PDHX: variants seen among roughly 807,000 people sequenced by gnomAD.
PDHX encodes pyruvate dehydrogenase complex component X, also known as pyruvate dehydrogenase protein X component, mitochondrial.
PDHX carries 33 observed loss-of-function variants against 55.3 expected under a neutral mutation model. The ratio of observed to expected loss-of-function variants is 0.60; its 90% CI spans 0.45 to 0.80. The LOEUF (loss-of-function observed/expected upper bound fraction) is 0.80. PDHX is among the 30% of genes least tolerant of loss of function. The pLI, the probability that PDHX is intolerant of heterozygous loss-of-function variation, is 0.00. For synonymous variants in PDHX, 226 were observed against 219.4 expected, an observed-to-expected ratio of 1.03 and a Z score of -0.27; for missense variants, 622 against 619.9, an observed-to-expected ratio of 1.00 and a Z score of -0.04.
chr11:34,918,276 T>TAA (rs11452994), intron 1 of PDHX, among the ~76,000 whole-genome samples: 98 of 142,362 alleles, frequency 6.9e-4, no homozygotes, highest in African/African-American at 1.6e-3. Flanking sequence ...CGTCTCTACT[T>TAA]AAAAAAAAAA....
In PDHX at chr11:34,978,138, T is replaced by C. The variant is rs769495018; in HGVS notation, c.979T>C (p.Ser327Pro). ...TTTTCTTTCAGATGACATTAAAGTA[T>C]CAGTAAATGATTTTATCATCAAGGC... ...QDLVKDDIKV[S>P]VNDFIIKAAA... The change falls in exon 8 of 11, where the codon TCA (serine) becomes CCA (proline). Residue 327 changes from serine to proline, a missense_variant. Transcript: ENST00000227868. The C allele has an allele frequency of 6.4e-7, 1 of 1,557,216 alleles. No individual in the cohort carries two copies. The highest frequency in any genetic ancestry group is 8.9e-7 in the Non-Finnish European group (1 of 1,128,960).
chr11:34,982,573 A>G (rs989508422), intron 8 of PDHX, among the ~76,000 whole-genome samples: 5 of 152,154 alleles, frequency 3.3e-5, no homozygotes, highest in Non-Finnish European at 7.3e-5. Flanking sequence ...AGACGCAATA[A>G]AAAATGATAA....
chr11:34,949,371 C>T (rs1854700466), intron 3 of PDHX, among the ~76,000 whole-genome samples: 1 of 126,110 alleles, frequency 7.9e-6, no homozygotes, highest in South Asian at 2.4e-4. Context: ...TCCCAAGTAG[C>T]TGAGATTACA....
chr11:34,970,282 C>A lies in PDHX; in HGVS notation c.960C>A (p.Val320=). The A allele has an allele frequency of 1.2e-6, 2 of 1,612,512 alleles. No homozygotes were observed. Among genetic ancestry groups the A allele is most frequent in the South Asian group, 2.2e-5 (2 of 91,000 alleles). Residue 320 remains valine (V), a synonymous_variant, in exon 7 of 11, where the codon GTC becomes GTA. Coordinates refer to ENST00000227868, the MANE Select transcript of PDHX (RefSeq NM_003477.3). The part of the protein sequence containing the change: ...GAVLKVRQDL[V]KDDIKVSVND... ...TTTTAAAAGTTAGGCAAGATCTGGTCAAAGGTTAGTAAAATTGAATTTACT... is the reference window on the plus strand; with the variant it reads ...TTTTAAAAGTTAGGCAAGATCTGGTAAAAGGTTAGTAAAATTGAATTTACT...
At chr11:34,988,287 T>C (rs1040070600) in intron 9 of PDHX, among the ~76,000 whole-genome samples, 5 of 152,202 alleles carry the variant, frequency 3.3e-5, no homozygotes, top group Non-Finnish European at 5.9e-5. Flanking sequence ...AAGCCTTTTA[T>C]ATATATTAAT....
At chr11:34,933,060 A>G (rs1854216560) in intron 2 of PDHX, among the ~76,000 whole-genome samples, 2 of 152,210 alleles carry the variant, frequency 1.3e-5, no homozygotes, top group African/African-American at 2.4e-5. Flanking sequence ...TAAAAACAAC[A>G]ATAGTTGGTT....
At chr11:34,938,151 GGA>G (rs960488011) in intron 2 of PDHX, among the ~76,000 whole-genome samples, 3 of 152,180 alleles carry the variant, frequency 2.0e-5, no homozygotes, top group African/African-American at 7.2e-5. Context: ...GTGAACAGAA[GGA>G]CGACTAGAGG....
chr11:34,992,112 A>G (rs1266734525), intron 9 of PDHX, among the ~76,000 whole-genome samples: 1 of 152,080 alleles, frequency 6.6e-6, no homozygotes, highest in African/African-American at 2.4e-5. Context: ...ATTTTTCTAG[A>G]GTTTTGATTA....
chr11:34,994,555 G>C (rs2732565), intron 10 of PDHX, among the ~76,000 whole-genome samples: 91,207 of 151,984 alleles, frequency 0.6, 28,865 homozygotes, highest in East Asian at 0.75. Flanking sequence ...TGACAGCTAT[G>C]ATGCCACTAG....
intron 1 of PDHX, among the ~76,000 whole-genome samples, chr11:34,920,067 A>T (rs1325705902): frequency 6.6e-6 from 1 of 152,222 alleles, no homozygotes; most frequent in African/African-American, 2.4e-5. Flanking sequence ...TTAGAGGAAG[A>T]GGTGACAGCC....
chr11:34,923,202 G>T (rs1049887716), intron 1 of PDHX, among the ~76,000 whole-genome samples: 2 of 147,890 alleles, frequency 1.4e-5, no homozygotes, highest in South Asian at 4.3e-4. Context: ...GGGTATATGG[G>T]TGATTCATTT....
In PDHX at chr11:34,978,136, T is replaced by G; in HGVS notation, c.977T>G (p.Val326Gly). 2.6e-6 allele frequency: 4 copies of G among 1,554,706 alleles called. No homozygotes were observed. The highest frequency in any genetic ancestry group is 3.6e-6 in the Non-Finnish European group (4 of 1,126,718). ...ATTTTTCTTTCAGATGACATTAAAG[T>G]ATCAGTAAATGATTTTATCATCAAG... ...RQDLVKDDIK[V>G]SVNDFIIKAA... Residue 326 changes from valine (V) to glycine (G), a missense_variant, in exon 8 of 11, where the codon GTA (valine) becomes GGA (glycine). Transcript: ENST00000227868.
intron 7 of PDHX, among the ~76,000 whole-genome samples, chr11:34,972,216 T>C (rs1249739323): frequency 6.6e-6 from 1 of 152,038 alleles, no homozygotes; most frequent in East Asian, 1.9e-4. Context: ...ACTGATCTCA[T>C]TGATTTCTGT....
chr11:34,957,037 A>G (rs911012476), intron 3 of PDHX, among the ~76,000 whole-genome samples: 3 of 152,262 alleles, frequency 2.0e-5, no homozygotes, highest in Non-Finnish European at 4.4e-5. Flanking sequence ...TGGTTAAGAT[A>G]TGTAGCCACA....
intron 5 of PDHX, among the ~76,000 whole-genome samples, chr11:34,962,465 T>A (rs1345426786): frequency 6.6e-6 from 1 of 152,156 alleles, no homozygotes; most frequent in Admixed American, 6.5e-5. Flanking sequence ...TTGGGAAGCA[T>A]TTGTTTTGGT....
chr11:34,947,486 A>G lies in PDHX; in HGVS notation c.242-20A>G, dbSNP rs1854649264. On this transcript the variant is annotated intron_variant, in intron 2 of 10. Coordinates refer to ENST00000227868, the MANE Select transcript of PDHX (RefSeq NM_003477.3). ...TATTTATATTTTAAAAAACAAAACA[A>G]ACCCAGTCTTGTTTTGTAGGTGAAG... The G allele has an allele frequency of 6.4e-7, 1 of 1,557,602 alleles. No homozygotes were observed. The highest frequency in any genetic ancestry group is 1.7e-5 in the Admixed American group (1 of 59,932).
chr11:34,988,613 CAAG>C (rs960528999), intron 9 of PDHX, among the ~76,000 whole-genome samples: 3 of 146,742 alleles, frequency 2.0e-5, no homozygotes, highest in African/African-American at 7.5e-5. Flanking sequence ...CAGAAATTAA[CAAG>C]AAGAATAGCT....
chr11:34,955,982 C>A (rs904040798), intron 3 of PDHX, among the ~76,000 whole-genome samples: 5 of 151,898 alleles, frequency 3.3e-5, no homozygotes, highest in African/African-American at 1.2e-4. Flanking sequence ...TTTGAGTTAG[C>A]AATTCACAAG....
At chr11:34,993,013 G>C (rs1237930401) in intron 10 of PDHX, among the ~76,000 whole-genome samples, 6 of 152,044 alleles carry the variant, frequency 3.9e-5, no homozygotes, top group Admixed American at 1.3e-4. Flanking sequence ...ATAATGTTAG[G>C]TTTTAAATTT....
Sources: allele counts gnomAD v4.1 joint callset (sites outside exome capture counted in the v4.1 genomes callset), GRCh38; gene constraint gnomAD v4.1.1; transcripts MANE v1.5; gene names NCBI Gene and HGNC (gene_info 2026-07-23, HGNC 2026-07-21).